DAZL: variants seen among roughly 807,000 people sequenced by gnomAD.
DAZL encodes deleted in azoospermia-like.
A neutral mutation model predicts 45.0 loss-of-function variants in DAZL; 4 were observed. The observed-to-expected ratio is 0.09, with a 90% CI of 0.04 to 0.20. DAZL has a LOEUF of 0.20. DAZL is among the 10% of genes least tolerant of loss of function. The pLI is 1.00. For synonymous variants in DAZL, 122 were observed against 112.4 expected, an observed-to-expected ratio of 1.09 and a Z score of -0.54; for missense variants, 326 against 351.3, an observed-to-expected ratio of 0.93 and a Z score of 0.58.
intron 1 of DAZL, among the ~76,000 whole-genome samples, chr3:16,604,982 CTT>C (rs1694755682): frequency 6.6e-6 from 1 of 152,244 alleles, no homozygotes; most frequent in East Asian, 1.9e-4. Context: ...CCACCCCCAC[CTT>C]GCCGCCCTTG....
chr3:16,593,863 T>C (rs1694558089), intron 8 of DAZL, 95 bp from the exon 9 acceptor site: 8 of 745,266 alleles, frequency 1.1e-5, no homozygotes, highest in Non-Finnish European at 1.8e-5. Flanking sequence ...ATCAAAAGTT[T>C]CAATGTAGGT....
chr3:16,604,947 C>G (rs1212857444), intron 1 of DAZL, among the ~76,000 whole-genome samples: 1 of 152,196 alleles, frequency 6.6e-6, no homozygotes, highest in East Asian at 1.9e-4. Context: ...TGCACGTGGC[C>G]GGCGAGGCAG....
Position 16,605,239 on chromosome 3 carries a change from A to C in DAZL, c.-34T>G. On this transcript the variant is annotated 5_prime_UTR_variant, in exon 1 of 11. Transcript: ENST00000399444. ...CAGGCAGCAGTTCCCGACCGGCTCC[A>C]GGAGGAGCAGAGGCTGTGCTTGGCG... 6.2e-7 allele frequency: 1 copy of C among 1,613,948 alleles called. No homozygotes were observed.
In DAZL at chr3:16,605,276, G is replaced by A; in HGVS notation, c.-71C>T. On this transcript the variant is annotated 5_prime_UTR_variant, in exon 1 of 11. Coordinates refer to ENST00000399444, the MANE Select transcript of DAZL (RefSeq NM_001351.4). ...GGCTGTGCTTGGCGCACCACTTCTG[G>A]GGCTGCTGTGAGGTCCGCTGGAACC... The A allele has an allele frequency of 1.3e-6, 2 of 1,598,876 alleles. No homozygotes were observed. Among genetic ancestry groups the A allele is most frequent in the Non-Finnish European group, 1.7e-6 (2 of 1,166,144 alleles).
intron 10 of DAZL, among the ~76,000 whole-genome samples, chr3:16,590,149 T>C (rs966814561): frequency 2.6e-5 from 4 of 152,218 alleles, no homozygotes; most frequent in African/African-American, 9.6e-5. Context: ...TATGTAATCA[T>C]CAGAACTTTG....
At chr3:16,595,525 C>T (rs1219962084) in intron 6 of DAZL, 140 bp from the exon 7 acceptor site, 3 of 542,538 alleles carry the variant, frequency 5.5e-6, no homozygotes, top group Non-Finnish European at 9.8e-6. Context: ...AAATGCATGA[C>T]TGACTTTATG....
intron 1 of DAZL, chr3:16,604,643 C>T (rs1045872879): frequency 2.3e-6 from 3 of 1,278,318 alleles, no homozygotes; most frequent in East Asian, 5.5e-5. Context: ...CCACCAAGTA[C>T]AGGGACCAGG....
rs1167902121 is a variant in DAZL, at chr3:16,605,316, G to C, written c.-111C>G. On this transcript the variant is annotated 5_prime_UTR_variant, in exon 1 of 11. Coordinates refer to ENST00000399444, the MANE Select transcript of DAZL (RefSeq NM_001351.4). ...CCGCTGGAACCCGCTGCGCGGCTTC[G>C]AGTGGTCAAAGGAGCCAAAGATGAA... 9.6e-6 allele frequency: 13 copies of C among 1,359,284 alleles called. No homozygotes were observed. The highest frequency in any genetic ancestry group is 3.2e-6 in the Non-Finnish European group (3 of 948,140). The allele number at this position is 1,359,284 out of a possible 1,614,324, so 84.2% of individuals were successfully genotyped here.
rs1008998178 is a variant in DAZL at position 16,596,979 on chromosome 3, T to C, written c.358+9A>G. The C allele has an allele frequency of 3.1e-6, 5 of 1,613,068 alleles. No homozygotes were observed. The highest frequency in any genetic ancestry group is 2.5e-6 in the Non-Finnish European group (3 of 1,179,428). On this transcript the variant is annotated intron_variant, in intron 5 of 10. Transcript: ENST00000399444. ...ATGTTTAAAAAGAACAATTTCTTTT[T>C]GTACTCACATAAATTTTGTTTCCTG...
chr3:16,595,480 A>T (rs1694585206), intron 6 of DAZL, 95 bp from the exon 7 acceptor site: 1 of 738,988 alleles, frequency 1.4e-6, no homozygotes, highest in Non-Finnish European at 2.2e-6. Flanking sequence ...GAAAACTTTT[A>T]AAATATTTTT....
rs1406106241 is a variant in DAZL at position 16,605,380 on chromosome 3, A to C, written c.-175T>G. On this transcript the variant is annotated 5_prime_UTR_variant, in exon 1 of 11. Coordinates refer to ENST00000399444, the MANE Select transcript of DAZL (RefSeq NM_001351.4). ...CCAAGAGCGGGTGACAAGGCTGAGGAGCCCCGAAAGGCGGACCGTCAGGCT... is the reference window on the plus strand; with the variant it reads ...CCAAGAGCGGGTGACAAGGCTGAGGCGCCCCGAAAGGCGGACCGTCAGGCT... The C allele has an allele frequency of 1.3e-6, 1 of 773,986 alleles. No individual in the cohort carries two copies. The highest frequency in any genetic ancestry group is 2.1e-5 in the Admixed American group (1 of 47,926). 47.9% of individuals were successfully genotyped at this position (773,986 alleles called of 1,614,324 possible). A position where few individuals can be genotyped will look rare whatever the true frequency, so the allele number is the denominator to read the frequency against.
rs752135084 is a variant in DAZL, at chr3:16,598,638, G to A, written c.4-40C>T. On this transcript the variant is annotated intron_variant, in intron 1 of 10. Coordinates refer to ENST00000399444, the MANE Select transcript of DAZL (RefSeq NM_001351.4). ...GTAGACATCATAATTAGATACACAG[G>A]AAAAACCTATACATAATGTGAAATA... The A allele has an allele frequency of 7.6e-6, 12 of 1,571,306 alleles. No homozygotes were observed. In the South Asian group the frequency reaches 1.1e-4, roughly 14 times the overall value.
chr3:16,592,273 G>A (rs1398665687), intron 9 of DAZL, 125 bp from the exon 10 acceptor site: 1 of 1,411,532 alleles, frequency 7.1e-7, no homozygotes, highest in African/African-American at 1.4e-5. Flanking sequence ...AATGCTAAAA[G>A]AGACTGGGAG....
At chr3:16,597,632 A>G (rs369013027) in intron 3 of DAZL, 91 bp from the exon 4 acceptor site, 16 of 798,498 alleles carry the variant, frequency 2.0e-5, no homozygotes, top group South Asian at 4.1e-5. Flanking sequence ...CATGACTAAA[A>G]TATGAATAAT....
Position 16,588,600 on chromosome 3 carries a change from AC to A in DAZL, c.*59del. ...ATTCAGAATTTCTATAATAGTGGAA[AC>A]CTTTTAGCTTAATATTCAAAACCAG... On this transcript the variant is annotated 3_prime_UTR_variant, in exon 11 of 11. Transcript: ENST00000399444. 1 of 1,323,414 alleles carries A rather than the reference AC, an allele frequency of 7.6e-7. No individual in the cohort carries two copies. The highest frequency in any genetic ancestry group is 2.3e-5 in the East Asian group (1 of 43,280). 82.0% of individuals were successfully genotyped at this position (1,323,414 alleles called of 1,614,324 possible).
intron 1 of DAZL, among the ~76,000 whole-genome samples, chr3:16,602,774 G>GA (rs1694712144): frequency 6.6e-6 from 1 of 152,080 alleles, no homozygotes; most frequent in South Asian, 2.1e-4. Context: ...CAGAAATAGA[G>GA]ACATCTTATT....
At chr3:16,597,580 T>C (rs1484162381) in intron 3 of DAZL, 39 bp from the exon 4 acceptor site, 7 of 1,250,386 alleles carry the variant, frequency 5.6e-6, no homozygotes, top group Admixed American at 1.7e-5. Context: ...ATCACCATCA[T>C]ACAGTACATG....
chr3:16,591,238 G>C (rs1265714839), intron 10 of DAZL, among the ~76,000 whole-genome samples: 1 of 151,968 alleles, frequency 6.6e-6, no homozygotes, highest in Non-Finnish European at 1.5e-5. Context: ...TAGACGGCGG[G>C]ATCAGAAATC....
intron 9 of DAZL, among the ~76,000 whole-genome samples, chr3:16,592,782 A>T (rs1198331421): frequency 6.6e-6 from 1 of 152,176 alleles, no homozygotes. Flanking sequence ...AAGCTATTTT[A>T]ATATTTATTC....
Sources: gnomAD v4.1 joint callset for allele counts (sites outside exome capture counted in the v4.1 genomes callset) on GRCh38, gnomAD v4.1.1 for gene constraint, MANE v1.5 for transcripts, NCBI Gene and HGNC (gene_info 2026-07-23, HGNC 2026-07-21) for gene names.